The following VPS53 variants were observed in gnomAD, a reference collection of about 807,000 sequenced individuals.
The protein encoded by VPS53 is vacuolar protein sorting-associated protein 53 homolog.
Under a neutral mutation model 107.0 loss-of-function variants are expected in VPS53, and 70 were observed. That is an observed-to-expected ratio of 0.65 (90% CI 0.54 to 0.80). The LOEUF is 0.80. VPS53 is among the 30% of genes least tolerant of loss of function. VPS53 has a pLI of 0.00. For synonymous variants in VPS53, 409 were observed against 393.3 expected (o/e 1.04, Z -0.47); for missense variants, 917 against 1,049.4 (o/e 0.87, Z 1.74).
chr17:597,009 T>C (rs1241943238), intron 12 of VPS53, among the ~76,000 whole-genome samples: 10 of 152,218 alleles, frequency 6.6e-5, no homozygotes, highest in Non-Finnish European at 1.5e-4. Context: ...AGAAGGGACA[T>C]TCCTTATTTC....
chr17:534,084 C>T (rs1378815401), intron 18 of VPS53, among the ~76,000 whole-genome samples: 1 of 152,220 alleles, frequency 6.6e-6, no homozygotes, highest in African/African-American at 2.4e-5. Flanking sequence ...AAGTGATCCT[C>T]TTGCCTCGGC....
chr17:614,646 T>TG (rs1046496548), intron 11 of VPS53, among the ~76,000 whole-genome samples: 18 of 152,198 alleles, frequency 1.2e-4, no homozygotes, highest in African/African-American at 4.3e-4. Context: ...AACCTGCCCC[T>TG]GTTCCTTACA....
intron 20 of VPS53, among the ~76,000 whole-genome samples, chr17:521,043 AC>A (rs1412593711): frequency 6.6e-6 from 1 of 152,172 alleles, no homozygotes; most frequent in Non-Finnish European, 1.5e-5. Context: ...TCACCACAGG[AC>A]CATCTGTTCT....
At chr17:551,329 G>A (rs1041579890) in intron 17 of VPS53, among the ~76,000 whole-genome samples, 4 of 152,178 alleles carry the variant, frequency 2.6e-5, no homozygotes, top group African/African-American at 4.8e-5. Flanking sequence ...CACTTGGGGA[G>A]GACTCGGTGG....
intron 6 of VPS53, among the ~76,000 whole-genome samples, chr17:654,509 C>G (rs370793243): frequency 1.3e-5 from 2 of 151,894 alleles, no homozygotes; most frequent in African/African-American, 2.4e-5. Flanking sequence ...GAGGCCGAGG[C>G]GGGCAGATCA....
At chr17:696,651 C>T (rs999316521) in intron 4 of VPS53, among the ~76,000 whole-genome samples, 2 of 152,014 alleles carry the variant, frequency 1.3e-5, no homozygotes, top group African/African-American at 4.8e-5. Flanking sequence ...TAACATCTGG[C>T]CCCTCAATTA....
intron 11 of VPS53, among the ~76,000 whole-genome samples, chr17:621,320 T>C (rs891722927): frequency 6.6e-6 from 1 of 152,242 alleles, no homozygotes; most frequent in African/African-American, 2.4e-5. Context: ...CTGTAATTTA[T>C]TTAACCATCT....
chr17:653,112 C>A (rs942437079), intron 7 of VPS53, 179 bp downstream of exon 7: 2 of 984,902 alleles, frequency 2.0e-6, no homozygotes, highest in Non-Finnish European at 2.4e-6. Flanking sequence ...GTTTACCTTT[C>A]GGAAAGCTGC....
At chr17:521,511 G>A (rs567610976) in intron 20 of VPS53, 90 bp downstream of exon 20, 4 of 1,378,980 alleles carry the variant, frequency 2.9e-6, no homozygotes, top group African/African-American at 1.5e-5. Context: ...AGGCCGGTGA[G>A]GATAGGACCT....
At chr17:690,682 G>A (rs1972747142) in intron 4 of VPS53, among the ~76,000 whole-genome samples, 1 of 152,156 alleles carries the variant, frequency 6.6e-6, no homozygotes, top group Admixed American at 6.5e-5. Context: ...TAATACGGCT[G>A]CCAAAAATCT....
intron 6 of VPS53, among the ~76,000 whole-genome samples, chr17:654,707 A>C (rs1169388663): frequency 6.8e-6 from 1 of 146,026 alleles, no homozygotes; most frequent in Non-Finnish European, 1.5e-5. Context: ...ACTGCACTCC[A>C]GCCTGGGCGA....
intron 15 of VPS53, among the ~76,000 whole-genome samples, chr17:555,536 T>C (rs545870092): frequency 1.7e-4 from 26 of 152,232 alleles, no homozygotes; most frequent in Non-Finnish European, 2.8e-4. Context: ...GGTTTTACTA[T>C]GTTGGCCAGG....
intron 4 of VPS53, among the ~76,000 whole-genome samples, chr17:671,929 C>T (rs1971963861): frequency 6.6e-6 from 1 of 152,028 alleles, no homozygotes; most frequent in Non-Finnish European, 1.5e-5. Flanking sequence ...CCTCATGACC[C>T]GCTTACCTCG....
intron 2 of VPS53, among the ~76,000 whole-genome samples, chr17:709,184 T>G (rs62053810): frequency 3.4e-4 from 50 of 147,448 alleles, no homozygotes; most frequent in Non-Finnish European, 6.4e-4. Flanking sequence ...TCACGGCGCA[T>G]CACGCTCTGT....
chr17:546,285 T>C (rs1911180365), intron 17 of VPS53, among the ~76,000 whole-genome samples: 1 of 149,976 alleles, frequency 6.7e-6, no homozygotes, highest in Non-Finnish European at 1.5e-5. Context: ...AACCACAGAG[T>C]AAATCTTTAT....
chr17:662,499 C>T (rs1227846128), intron 4 of VPS53, among the ~76,000 whole-genome samples: 6 of 151,996 alleles, frequency 3.9e-5, no homozygotes, highest in Admixed American at 6.6e-5. Context: ...ACCATCCTGG[C>T]TAACACGGTG....
chr17:590,019 T>G (rs1967555050), intron 12 of VPS53, among the ~76,000 whole-genome samples: 1 of 152,218 alleles, frequency 6.6e-6, no homozygotes, highest in Non-Finnish European at 1.5e-5. Flanking sequence ...GAATGGAATG[T>G]TCTCCCATTT....
At chr17:668,433 C>T (rs1425009022) in intron 4 of VPS53, among the ~76,000 whole-genome samples, 1 of 152,198 alleles carries the variant, frequency 6.6e-6, no homozygotes, top group Non-Finnish European at 1.5e-5. Context: ...AACTTCAGGC[C>T]CAACCATGAG....
intron 13 of VPS53, among the ~76,000 whole-genome samples, chr17:568,816 T>A (rs1181042822): frequency 6.6e-6 from 1 of 152,174 alleles, no homozygotes; most frequent in African/African-American, 2.4e-5. Flanking sequence ...GGTGTGAGAT[T>A]AGAATTGAAG....
Sources: allele counts gnomAD v4.1 joint callset (sites outside exome capture counted in the v4.1 genomes callset), GRCh38; gene constraint gnomAD v4.1.1; transcripts MANE v1.5; gene names NCBI Gene and HGNC (gene_info 2026-07-23, HGNC 2026-07-21).